The following MEGF9 variants were observed in gnomAD, a reference collection of about 807,000 sequenced individuals.
MEGF9 encodes the protein multiple EGF like domains 9.
Under a neutral mutation model 46.8 loss-of-function variants are expected in MEGF9, and 6 were observed. That is an observed-to-expected ratio of 0.13 (90% confidence interval 0.07 to 0.25). The LOEUF is 0.25. MEGF9 is among the 10% of genes least tolerant of loss of function. The pLI, the probability that MEGF9 is intolerant of heterozygous loss-of-function variation, is 1.00. For synonymous variants in MEGF9, 302 were observed against 330.7 expected (o/e 0.91, Z 0.94); for missense variants, 683 against 792.4 (o/e 0.86, Z 1.66).
At chr9:120,708,245 G>A (rs2043937452) in intron 1 of MEGF9, among the ~76,000 whole-genome samples, 1 of 152,004 alleles carries the variant, frequency 6.6e-6, no homozygotes, top group Non-Finnish European at 1.5e-5. Context: ...TGCGCCTGTA[G>A]TCCCAGTTAC....
At chr9:120,688,165 A>G (rs918269713) in intron 1 of MEGF9, among the ~76,000 whole-genome samples, 1 of 144,804 alleles carries the variant, frequency 6.9e-6, no homozygotes, top group Admixed American at 6.7e-5. Flanking sequence ...ACACACACAC[A>G]CACACGCACG....
At position 120,686,337 on chromosome 9, in the gene MEGF9, C is replaced by T. The variant is rs1198767443; in HGVS notation, c.602-26762G>A. On this transcript the variant is annotated intron_variant, in intron 1 of 5. Transcript: ENST00000373930. ...TCGTGATCCGCCTGCCTCGGCCTCC[C>T]GAAGTGCTGGGATTACAATCGTGAG... is the stretch of plus-strand genomic sequence containing the variant. Among the ~76,000 whole-genome samples the T allele has an allele frequency of 2.6e-5, 4 of 152,126 alleles. 1 individual carries two copies. Among genetic ancestry groups the T allele is most frequent in the Non-Finnish European group, 1.5e-5 (1 of 68,034 alleles).
At chr9:120,699,827 A>C (rs1049299105) in intron 1 of MEGF9, among the ~76,000 whole-genome samples, 50 of 152,068 alleles carry the variant, frequency 3.3e-4, no homozygotes, top group African/African-American at 1.2e-3. Context: ...GTTTAATATG[A>C]GATAAAGATT....
chr9:120,687,669 ACTGT>A (rs2043829034), intron 1 of MEGF9, among the ~76,000 whole-genome samples: 1 of 61,486 alleles, frequency 1.6e-5, no homozygotes, highest in African/African-American at 5.6e-5. Flanking sequence ...TGAACACAAC[ACTGT>A]GTGTGTGTGT....
intron 2 of MEGF9, among the ~76,000 whole-genome samples, chr9:120,654,725 A>C (rs2043668853): frequency 6.6e-6 from 1 of 152,202 alleles, no homozygotes; most frequent in Non-Finnish European, 1.5e-5. Flanking sequence ...GTATCCCAAA[A>C]GAAAGCACTG....
chr9:120,659,773 TAGTGTGTGTGTGAC>T (rs1213672672), intron 1 of MEGF9, among the ~76,000 whole-genome samples, 198 bp from the exon 2 acceptor site: 5 of 145,354 alleles, frequency 3.4e-5, no homozygotes, highest in African/African-American at 2.6e-5. Flanking sequence ...ATAAATTATG[TAGTGTGTGTGTGAC>T]AGTGTGTGTG....
chr9:120,698,833 A>G lies in MEGF9; in HGVS notation c.601+14925T>C, dbSNP rs533295217. 2.6e-5 allele frequency among the ~76,000 whole-genome samples: 4 copies of G among 152,332 alleles called. No homozygotes were observed. In the South Asian group the frequency reaches 6.2e-4, roughly 24 times the overall value. On this transcript the variant is annotated intron_variant, in intron 1 of 5. Transcript: ENST00000373930. ...GTTCAAAATTCAGAGAAGAGTAATC[A>G]TTACCAGTTTCCTAAAGGCCAGAGT...
At chr9:120,667,607 G>A (rs2043730846) in intron 1 of MEGF9, among the ~76,000 whole-genome samples, 1 of 152,106 alleles carries the variant, frequency 6.6e-6, no homozygotes, top group Admixed American at 6.5e-5. Context: ...CACAAGCCTA[G>A]GATTGGATCC....
chr9:120,607,659 G>T, intron 5 of MEGF9, 82 bp downstream of exon 5: 1 of 1,434,190 alleles, frequency 7.0e-7, no homozygotes, highest in South Asian at 1.2e-5. Context: ...CCTCTGGTAG[G>T]GTTAGAAGGT....
intron 3 of MEGF9, 125 bp downstream of exon 3, chr9:120,622,491 T>C (rs1587976096): frequency 2.4e-6 from 2 of 842,626 alleles, no homozygotes; most frequent in Non-Finnish European, 3.4e-6. Context: ...TGTGATCTAG[T>C]ACATCCTACT....
intron 2 of MEGF9, among the ~76,000 whole-genome samples, chr9:120,630,551 A>G (rs1420272333): frequency 1.3e-5 from 2 of 152,202 alleles, no homozygotes; most frequent in Admixed American, 1.3e-4. Flanking sequence ...GGATCATATG[A>G]TAGTTCTATT....
At chr9:120,610,445 T>C (rs534670631) in intron 4 of MEGF9, among the ~76,000 whole-genome samples, 79 of 152,352 alleles carry the variant, frequency 5.2e-4, no homozygotes, top group African/African-American at 1.9e-3. Context: ...TTCTGCCTTA[T>C]ACTTTGTTTC....
intron 3 of MEGF9, among the ~76,000 whole-genome samples, chr9:120,617,846 G>C (rs2043479049): frequency 6.6e-6 from 1 of 152,180 alleles, no homozygotes; most frequent in Non-Finnish European, 1.5e-5. Context: ...TTTGAAGATA[G>C]GGCTGATGGA....
At chr9:120,661,961 G>A (rs2043704378) in intron 1 of MEGF9, among the ~76,000 whole-genome samples, 1 of 152,128 alleles carries the variant, frequency 6.6e-6, no homozygotes, top group African/African-American at 2.4e-5. Context: ...ATCAAAGTAT[G>A]TTGGTGTCAG....
Position 120,714,427 on chromosome 9 carries a change from C to T in MEGF9, c.-69G>A. 1 of 1,203,280 alleles carries T rather than the reference C, an allele frequency of 8.3e-7. No individual in the cohort carries two copies. The highest frequency in any genetic ancestry group is 1.0e-6 in the Non-Finnish European group (1 of 954,556). The allele number at this position is 1,203,280 out of a possible 1,614,324, so 74.5% of individuals were successfully genotyped here. On this transcript the variant is annotated 5_prime_UTR_variant, in exon 1 of 6. Transcript: ENST00000373930. ...ATCCGACCAAGGAAGCCTCCGCAACCGCCGCCGCCACCGCCACCGGGCGCA... is the reference window on the plus strand; with the variant it reads ...ATCCGACCAAGGAAGCCTCCGCAACTGCCGCCGCCACCGCCACCGGGCGCA...
rs1377087307 is a variant in MEGF9 at position 120,714,058 on chromosome 9, C to T, written c.301G>A (p.Glu101Lys). ...GCAGTCGCCCAAAGAGGGGTGGTCTCCGGGGACTGGGCTGGAGAAGTCGCA... is the reference window on the plus strand; with the variant it reads ...GCAGTCGCCCAAAGAGGGGTGGTCTTCGGGGACTGGGCTGGAGAAGTCGCA... The part of the protein sequence containing the change: ...LAATSPAQSP[E>K]TTPLWATAGP... The change falls in exon 1 of 6, where the codon GAG becomes AAG. Residue 101 changes from glutamate (E) to lysine (K), a missense_variant. Glu to Lys is a moderately conservative substitution (Grantham distance 56, BLOSUM62 1). Coordinates refer to ENST00000373930, the MANE Select transcript of MEGF9 (RefSeq NM_001080497.3). 7.7e-7 allele frequency: 1 copy of T among 1,297,064 alleles called. No individual in the cohort carries two copies. The highest frequency in any genetic ancestry group is 9.8e-7 in the Non-Finnish European group (1 of 1,020,422). 80.3% of individuals were successfully genotyped at this position (1,297,064 alleles called of 1,614,324 possible).
At chr9:120,663,876 C>T (rs536428405) in intron 1 of MEGF9, among the ~76,000 whole-genome samples, 32 of 152,200 alleles carry the variant, frequency 2.1e-4, no homozygotes, top group Non-Finnish European at 4.3e-4. Flanking sequence ...ACATTATTTC[C>T]TTTTATCGCC....
rs115838888 is a variant in MEGF9 at position 120,713,737 on chromosome 9, G to A, written c.601+21C>T. 1,363 of 1,283,398 alleles carry A rather than the reference G, an allele frequency of 1.1e-3. 13 individuals are homozygous for A. The African/African-American group carries it at 0.019, about 18-fold the overall frequency. The allele number at this position is 1,283,398 out of a possible 1,614,324, so 79.5% of individuals were successfully genotyped here. A position where few individuals can be genotyped will look rare whatever the true frequency, so the allele number is the denominator to read the frequency against. ...GCTGAGGTGAGGACGGGTCCTGCCC[G>A]AGAGGGAGCGCCGGACTCACCTGGA... is the stretch of plus-strand genomic sequence containing the variant. On this transcript the variant is annotated intron_variant, in intron 1 of 5. Coordinates refer to ENST00000373930, the MANE Select transcript of MEGF9 (RefSeq NM_001080497.3).
chr9:120,698,798 G>C (rs986086335), intron 1 of MEGF9, among the ~76,000 whole-genome samples: 1 of 152,074 alleles, frequency 6.6e-6, no homozygotes, highest in South Asian at 2.1e-4. Context: ...ATTACTGCTT[G>C]GATTTCAAAG....
Sources: allele counts gnomAD v4.1 joint callset (sites outside exome capture counted in the v4.1 genomes callset), GRCh38; gene constraint gnomAD v4.1.1; transcripts MANE v1.5; gene names NCBI Gene and HGNC (gene_info 2026-07-23, HGNC 2026-07-21).